WNT7A: variants seen among roughly 807,000 people sequenced by gnomAD.
WNT7A encodes protein Wnt-7a.
Under a neutral mutation model 28.2 loss-of-function variants are expected in WNT7A, and 16 were observed. The observed-to-expected ratio is 0.57, with a 90% CI of 0.38 to 0.86. The LOEUF (loss-of-function observed/expected upper bound fraction) is 0.86, where lower values mean the gene tolerates loss of function less well. Among genes scored for constraint, WNT7A ranks in the 40% least tolerant of loss-of-function variants. The probability of loss-of-function intolerance (pLI) is 0.00; values close to 1 mark genes in which losing one functional copy is unlikely to be tolerated. For missense variants in WNT7A, 411 were observed against 489.7 expected, an observed-to-expected ratio of 0.84 and a Z score of 1.52; for synonymous variants, 190 against 195.9, an observed-to-expected ratio of 0.97 and a Z score of 0.25.
chr3:13,856,929 G>GAAGAAGAAGAAGAAGAAC (rs1559303286), intron 2 of WNT7A, among the ~76,000 whole-genome samples: 1 of 116,476 alleles, frequency 8.6e-6, no homozygotes. Flanking sequence ...AGAAGAAGAA[G>GAAGAAGAAGAAGAAGAAC]AAGAAGAAGA....
At chr3:13,835,290 G>GAA (rs938123815) in intron 3 of WNT7A, among the ~76,000 whole-genome samples, 2 of 152,234 alleles carry the variant, frequency 1.3e-5, no homozygotes, top group Non-Finnish European at 2.9e-5. Flanking sequence ...GACCTGAGCA[G>GAA]AAAGGTCCTG....
chr3:13,830,087 G>T (rs538238766), intron 3 of WNT7A, among the ~76,000 whole-genome samples: 3 of 152,022 alleles, frequency 2.0e-5, no homozygotes, highest in African/African-American at 7.2e-5. Flanking sequence ...CCTGGTCCCC[G>T]CAGCGTCTTC....
At chr3:13,825,572 A>G (rs1239345711) in intron 3 of WNT7A, among the ~76,000 whole-genome samples, 1 of 152,210 alleles carries the variant, frequency 6.6e-6, no homozygotes, top group Non-Finnish European at 1.5e-5. Context: ...CAATTGACAA[A>G]TCCTGAATAT....
At chr3:13,855,795 C>T (rs1370475094) in intron 2 of WNT7A, among the ~76,000 whole-genome samples, 1 of 152,134 alleles carries the variant, frequency 6.6e-6, no homozygotes, top group Admixed American at 6.5e-5. Context: ...TCTCATGTAG[C>T]CTGGGTGGGT....
intron 1 of WNT7A, among the ~76,000 whole-genome samples, chr3:13,877,950 T>C (rs962448827): frequency 1.3e-5 from 2 of 152,210 alleles, no homozygotes; most frequent in African/African-American, 4.8e-5. Flanking sequence ...AAAAACCTTT[T>C]AGGGACGTTG....
chr3:13,829,698 G>A lies in WNT7A; in HGVS notation c.571-10275C>T, dbSNP rs937723596. Among the ~76,000 whole-genome samples, 4 of 152,254 alleles carry A rather than the reference G, an allele frequency of 2.6e-5. No homozygotes were observed. The South Asian group carries it at 8.3e-4, about 32-fold the overall frequency. ...CAGGGGGATCTCGGAGAGAAAAGAC[G>A]GGGACAGAGGGAGACAAGGAGGGCA... On this transcript the variant is annotated intron_variant, in intron 3 of 3. Coordinates refer to ENST00000285018, the MANE Select transcript of WNT7A (RefSeq NM_004625.4).
intron 2 of WNT7A, among the ~76,000 whole-genome samples, chr3:13,866,635 A>T (rs1694915151): frequency 6.6e-6 from 1 of 152,196 alleles, no homozygotes; most frequent in Non-Finnish European, 1.5e-5. Context: ...GGAGCGAGCC[A>T]AGCTGGCAAA....
chr3:13,879,931 C>T lies in WNT7A; in HGVS notation c.-115G>A, dbSNP rs996936967. The T allele has an allele frequency of 1.4e-5, 11 of 811,926 alleles. No homozygotes were observed. The African/African-American group carries it at 1.8e-4, about 13-fold the overall frequency. The allele number at this position is 811,926 out of a possible 1,614,324, so 50.3% of individuals were successfully genotyped here. ...GGCGCGAGCCGAGGCGTCCCCGGGG[C>T]CGTCTGTCGGTGCGCCCGTCCGCGC... On this transcript the variant is annotated 5_prime_UTR_variant, in exon 1 of 4. Coordinates refer to ENST00000285018, the MANE Select transcript of WNT7A (RefSeq NM_004625.4).
chr3:13,831,989 A>C (rs1394881459), intron 3 of WNT7A, among the ~76,000 whole-genome samples: 1 of 151,604 alleles, frequency 6.6e-6, no homozygotes, highest in Admixed American at 6.6e-5. Context: ...TGGACCCCCA[A>C]CCCCGGGAGA....
intron 3 of WNT7A, among the ~76,000 whole-genome samples, chr3:13,843,219 C>T (rs912555093): frequency 1.3e-5 from 2 of 152,216 alleles, no homozygotes; most frequent in African/African-American, 4.8e-5. Context: ...TAAAACTTGA[C>T]TGTGGCTTTA....
intron 2 of WNT7A, chr3:13,863,807 T>C (rs1694870319): frequency 6.6e-6 from 1 of 152,192 alleles, no homozygotes; most frequent in Non-Finnish European, 1.5e-5. Context: ...CAGACATGTG[T>C]TGCACTCTCA....
chr3:13,879,977 C>T lies in WNT7A; in HGVS notation c.-161G>A, dbSNP rs1228523520. On this transcript the variant is annotated 5_prime_UTR_variant, in exon 1 of 4. Transcript: ENST00000285018. ...CGCGCGCTCCGCGCCTGAGCCTCGCCAGGAGCACGGGAGCCACGGAGCGGG... is the reference window on the plus strand; with the variant it reads ...CGCGCGCTCCGCGCCTGAGCCTCGCTAGGAGCACGGGAGCCACGGAGCGGG... 2.4e-5 allele frequency: 11 copies of T among 462,768 alleles called. No individual in the cohort carries two copies. The highest frequency in any genetic ancestry group is 3.9e-5 in the Non-Finnish European group (11 of 283,496). The allele number at this position is 462,768 out of a possible 1,614,324, so 28.7% of individuals were successfully genotyped here. A position where few individuals can be genotyped will look rare whatever the true frequency, so the allele number is the denominator to read the frequency against.
chr3:13,838,381 G>C (rs1694403106), intron 3 of WNT7A, among the ~76,000 whole-genome samples: 1 of 152,208 alleles, frequency 6.6e-6, no homozygotes, highest in African/African-American at 2.4e-5. Flanking sequence ...TGAAACCACG[G>C]TGTGCGGAAG....
At chr3:13,842,004 A>G (rs571502231) in intron 3 of WNT7A, among the ~76,000 whole-genome samples, 20 of 151,752 alleles carry the variant, frequency 1.3e-4, no homozygotes, top group Non-Finnish European at 2.8e-4. Flanking sequence ...TGGGGCAGGG[A>G]CATACCCAGT....
At chr3:13,864,830 G>A (rs970676801) in intron 2 of WNT7A, among the ~76,000 whole-genome samples, 4 of 152,140 alleles carry the variant, frequency 2.6e-5, no homozygotes, top group African/African-American at 9.7e-5. Flanking sequence ...CATTTTACAT[G>A]TATGTGCATG....
At chr3:13,879,675 G>A (rs1695176813) in intron 1 of WNT7A, 71 bp downstream of exon 1, 2 of 1,536,094 alleles carry the variant, frequency 1.3e-6, no homozygotes, top group African/African-American at 1.4e-5. Flanking sequence ...GCTCGCAGGC[G>A]GCACACCTCC....
intron 2 of WNT7A, among the ~76,000 whole-genome samples, chr3:13,859,914 G>T (rs1409462693): frequency 6.6e-6 from 1 of 152,188 alleles, no homozygotes; most frequent in Non-Finnish European, 1.5e-5. Context: ...CTTTACAGAT[G>T]GGGGAACTGA....
chr3:13,849,905 G>A (rs1694600685), intron 3 of WNT7A, among the ~76,000 whole-genome samples: 1 of 152,164 alleles, frequency 6.6e-6, no homozygotes, highest in Non-Finnish European at 1.5e-5. Context: ...GGTGTGTGTG[G>A]GAGAGAAGCT....
chr3:13,829,508 G>C (rs1694244309), intron 3 of WNT7A, among the ~76,000 whole-genome samples: 2 of 152,232 alleles, frequency 1.3e-5, no homozygotes, highest in Admixed American at 1.3e-4. Context: ...TGGATGCTGG[G>C]ATGAGTGCGC....
Sources: gnomAD v4.1 joint callset for allele counts (sites outside exome capture counted in the v4.1 genomes callset) on GRCh38, gnomAD v4.1.1 for gene constraint, MANE v1.5 for transcripts, NCBI Gene and HGNC (gene_info 2026-07-23, HGNC 2026-07-21) for gene names.